The following CDON variants were observed in gnomAD, a reference collection of about 807,000 sequenced individuals.
The protein encoded by CDON is cell adhesion molecule-related/down-regulated by oncogenes.
In CDON, 73 loss-of-function variants were observed where a neutral mutation model predicts 120.9. That is an observed-to-expected ratio of 0.60 (90% confidence interval 0.50 to 0.73). The LOEUF (loss-of-function observed/expected upper bound fraction) is 0.73, where lower values mean the gene tolerates loss of function less well. Among genes scored for constraint, CDON ranks in the 30% least tolerant of loss-of-function variants. The pLI, the probability that CDON is intolerant of heterozygous loss-of-function variation, is 0.00. For synonymous variants in CDON, 566 were observed against 573.5 expected (o/e 0.99, Z 0.19); for missense variants, 1,470 against 1,587.3 (o/e 0.93, Z 1.26).
intron 1 of CDON, among the ~76,000 whole-genome samples, chr11:126,038,662 A>T (rs1948169813): frequency 6.6e-6 from 1 of 152,178 alleles, no homozygotes; most frequent in Non-Finnish European, 1.5e-5. Context: ...CAAAATAAAA[A>T]AAAAAAAAGA....
intron 18 of CDON, among the ~76,000 whole-genome samples, chr11:125,970,595 G>A (rs1945952615): frequency 6.6e-6 from 1 of 152,138 alleles, no homozygotes; most frequent in Non-Finnish European, 1.5e-5. Context: ...TGATGGCACC[G>A]CTCCAGGGCC....
Position 126,003,585 on chromosome 11 carries a change from C to T in CDON, c.2026+317G>A, listed in dbSNP as rs551644769. On this transcript the variant is annotated intron_variant, in intron 10 of 19. Coordinates refer to ENST00000531738, the MANE Select transcript of CDON (RefSeq NM_001378964.1). ...CCTATAATCCCAGCACTTTGGGAGG[C>T]TGAGGTGGGCGGATCACGAGGTCAG... Among the ~76,000 whole-genome samples, 164 of 152,250 alleles carry T rather than the reference C, an allele frequency of 1.1e-3. 1 individual carries two copies. The highest frequency in any genetic ancestry group is 2.9e-3 in the African/African-American group (120 of 41,558).
intron 1 of CDON, among the ~76,000 whole-genome samples, chr11:126,042,982 G>A (rs920125491): frequency 1.3e-5 from 2 of 152,154 alleles, no homozygotes; most frequent in Admixed American, 1.3e-4. Context: ...ACCTAAGGCT[G>A]TTTCACACCG....
chr11:125,957,418 CAG>C lies in CDON; in HGVS notation c.*3522_*3523del, dbSNP rs886047944. On this transcript the variant is annotated 3_prime_UTR_variant, in exon 20 of 20. Coordinates refer to ENST00000531738, the MANE Select transcript of CDON (RefSeq NM_001378964.1). ...CAAACTATAAGCAGCGTTGTACAAA[CAG>C]GGAGTATTCCCACCTTCAGGGGCTA... 1.2e-4 allele frequency: 19 copies of C among 152,292 alleles called. 1 individual carries two copies. Among genetic ancestry groups the C allele is most frequent in the Admixed American group, 1.1e-3 (17 of 15,300 alleles). 9.4% of individuals were successfully genotyped at this position (152,292 alleles called of 1,614,324 possible).
Position 126,047,990 on chromosome 11 carries a change from G to A in CDON, c.-62+14589C>T, listed in dbSNP as rs1325234378. On this transcript the variant is annotated intron_variant, in intron 1 of 19. Transcript: ENST00000531738. ...CATAAATGATAAAAATCAAGAAATG[G>A]TCTTCAGCCGTCGTGGTGGCTCCTG... is the stretch of plus-strand genomic sequence containing the variant. Among the ~76,000 whole-genome samples, 3 of 152,218 alleles carry A rather than the reference G, an allele frequency of 2.0e-5. No homozygotes were observed. In the East Asian group the frequency reaches 5.8e-4, roughly 29 times the overall value.
At chr11:125,976,390 G>A (rs1946148725) in intron 18 of CDON, among the ~76,000 whole-genome samples, 1 of 152,078 alleles carries the variant, frequency 6.6e-6, no homozygotes, top group African/African-American at 2.4e-5. Flanking sequence ...TTCTCATGAG[G>A]AAGAAAATTG....
At position 126,011,130 on chromosome 11, in the gene CDON, G is replaced by C. The variant is rs181660359; in HGVS notation, c.1199-436C>G. ...AGGGTGGGAAGGGAGGCAGGAATCT[G>C]ATTATAAAAAGCGTGGGAGAAAAAA... On this transcript the variant is annotated intron_variant, in intron 7 of 19. Coordinates refer to ENST00000531738, the MANE Select transcript of CDON (RefSeq NM_001378964.1). Among the ~76,000 whole-genome samples the C allele has an allele frequency of 1.1e-3, 167 of 152,270 alleles. 2 individuals are homozygous for C. The highest frequency in any genetic ancestry group is 3.9e-3 in the African/African-American group (163 of 41,546).
rs201418931 is a variant in CDON, at chr11:126,035,558, ATT to A, written c.-61-12023_-61-12022del. On this transcript the variant is annotated intron_variant, in intron 1 of 19. Transcript: ENST00000531738. ...TCCTACCATGGAAGAGAGGCTGTGC[ATT>A]GATAAAGGGGTTCTTCAAGCACATT... Among the ~76,000 whole-genome samples the A allele has an allele frequency of 9.5e-3, 1,451 of 152,282 alleles. 20 individuals carry two copies. The highest frequency in any genetic ancestry group is 0.033 in the African/African-American group (1,385 of 41,540).
In CDON at chr11:126,017,243, T is replaced by C. The variant is rs1449837925; in HGVS notation, c.773A>G (p.Asp258Gly). ...VPAPQVYWLK[D>G]GQDIAPGSNW... ...GCTTCCTGGTGCAATGTCCTGCCCGTCCTTTAGCCAATACACTTGAGGAGC... is the reference window on the plus strand; with the variant it reads ...GCTTCCTGGTGCAATGTCCTGCCCGCCCTTTAGCCAATACACTTGAGGAGC... The change falls in exon 6 of 20, where the codon GAC becomes GGC. Residue 258 changes from aspartate (D) to glycine (G), a missense_variant. Asp to Gly is a moderately conservative substitution (Grantham distance 94). Coordinates refer to ENST00000531738, the MANE Select transcript of CDON (RefSeq NM_001378964.1). 3.1e-6 allele frequency: 5 copies of C among 1,614,044 alleles called. No individual in the cohort carries two copies. The highest frequency in any genetic ancestry group is 4.2e-6 in the Non-Finnish European group (5 of 1,180,008).
At chr11:126,024,153 G>A (rs1030589277) in intron 1 of CDON, among the ~76,000 whole-genome samples, 1 of 152,206 alleles carries the variant, frequency 6.6e-6, no homozygotes, top group African/African-American at 2.4e-5. Context: ...GGATAGTAAT[G>A]GATGAAGCCA....
chr11:125,967,150 A>T (rs1407354321), intron 18 of CDON, among the ~76,000 whole-genome samples: 2 of 152,242 alleles, frequency 1.3e-5, no homozygotes, highest in Non-Finnish European at 2.9e-5. Flanking sequence ...ATATTTTTAG[A>T]ATACAAACAT....
intron 1 of CDON, among the ~76,000 whole-genome samples, chr11:126,028,810 T>C (rs1947871083): frequency 6.6e-6 from 1 of 151,510 alleles, no homozygotes; most frequent in Non-Finnish European, 1.5e-5. Context: ...TTTTTATATA[T>C]GTGTATATGT....
chr11:126,032,571 G>A (rs1262664289), intron 1 of CDON, among the ~76,000 whole-genome samples: 2 of 152,130 alleles, frequency 1.3e-5, no homozygotes, highest in Non-Finnish European at 1.5e-5. Context: ...TTGAAAAATC[G>A]CTGACACTGC....
At chr11:125,992,856 T>A (rs1176870982) in intron 14 of CDON, among the ~76,000 whole-genome samples, 3 of 152,204 alleles carry the variant, frequency 2.0e-5, no homozygotes, top group African/African-American at 7.2e-5. Flanking sequence ...CTGACATAAT[T>A]CACTAGGACA....
rs1278412731 is a variant in CDON at position 125,957,588 on chromosome 11, A to G, written c.*3354T>C. 6.6e-6 allele frequency: 1 copy of G among 152,246 alleles called. No homozygotes were observed. The highest frequency in any genetic ancestry group is 1.5e-5 in the Non-Finnish European group (1 of 68,046). 9.4% of individuals were successfully genotyped at this position (152,246 alleles called of 1,614,324 possible). On this transcript the variant is annotated 3_prime_UTR_variant, in exon 20 of 20. Coordinates refer to ENST00000531738, the MANE Select transcript of CDON (RefSeq NM_001378964.1). Reference sequence around the variant, plus strand: ...AAAATAAAACATACTTTTCAATATGATACAAAGCATGCATCTCAAAGTCAT... The same window carrying G: ...AAAATAAAACATACTTTTCAATATGGTACAAAGCATGCATCTCAAAGTCAT...
At chr11:126,037,241 C>A (rs949373597) in intron 1 of CDON, among the ~76,000 whole-genome samples, 6 of 152,020 alleles carry the variant, frequency 3.9e-5, no homozygotes, top group Non-Finnish European at 4.4e-5. Context: ...AGCTGGACCA[C>A]AGGTGTGCAC....
Position 126,017,372 on chromosome 11 carries a change from G to C in CDON, c.644C>G (p.Pro215Arg), listed in dbSNP as rs377604853. ...AAGAATGTGAACATCATCTGAAGAA[G>C]GACCTGGAAAAGGAAAGGAGATGAG... is the stretch of plus-strand genomic sequence containing the variant. ...PIGRKLLVSR[P>R]SSDDVHILHP... is the part of the protein sequence containing the mutation. The change falls in exon 6 of 20, where the codon CCT becomes CGT. Residue 215 changes from proline to arginine, a missense_variant. Coordinates refer to ENST00000531738, the MANE Select transcript of CDON (RefSeq NM_001378964.1). 3.3e-5 allele frequency: 53 copies of C among 1,614,024 alleles called. No homozygotes were observed. The African/African-American group carries it at 6.7e-4, about 20-fold the overall frequency.
rs1946743608 is a variant in CDON, at chr11:125,995,063, A to G, written c.2363-11T>C. 3 of 1,598,692 alleles carry G rather than the reference A, an allele frequency of 1.9e-6. No individual in the cohort carries two copies. The highest frequency in any genetic ancestry group is 2.7e-5 in the African/African-American group (2 of 73,916). ...ATTTGTATGTTGAACCTTTGAGGGA[A>G]AACAAAAACAAACAAACAACAACAA... is the stretch of plus-strand genomic sequence containing the variant. On this transcript the variant is annotated splice_polypyrimidine_tract_variant and intron_variant, in intron 12 of 19. Transcript: ENST00000531738.
At position 125,997,342 on chromosome 11, in the gene CDON, G is replaced by A. The variant is rs1475911989; in HGVS notation, c.2227C>T (p.Pro743Ser). The A allele has an allele frequency of 6.2e-7, 1 of 1,613,880 alleles. No homozygotes were observed. The highest frequency in any genetic ancestry group is 1.3e-5 in the African/African-American group (1 of 74,910). Residue 743 changes from proline (P) to serine (S), a missense_variant, in exon 12 of 20, where the codon CCT becomes TCT. Coordinates refer to ENST00000531738, the MANE Select transcript of CDON (RefSeq NM_001378964.1). Reference protein sequence around the residue: ...SETSVYVTWIPRANGGSPITA... With the variant: ...SETSVYVTWISRANGGSPITA... ...ATTGGAGAACCCCCGTTTGCCCGAG[G>A]AATCCAAGTGACATAGACTGATGTC...
Sources: gnomAD v4.1 joint callset for allele counts (sites outside exome capture counted in the v4.1 genomes callset) on GRCh38, gnomAD v4.1.1 for gene constraint, MANE v1.5 for transcripts, NCBI Gene and HGNC (gene_info 2026-07-23, HGNC 2026-07-21) for gene names.